DNAI1: variants seen among roughly 807,000 people sequenced by gnomAD.
The protein encoded by DNAI1 is dynein axonemal intermediate chain 1.
A neutral mutation model predicts 92.0 loss-of-function variants in DNAI1; 67 were observed. The observed-to-expected ratio is 0.73, with a 90% CI of 0.60 to 0.89. The LOEUF (loss-of-function observed/expected upper bound fraction) is 0.89. Ranked by LOEUF, DNAI1 falls within the 40% of genes least tolerant of loss-of-function variation. The pLI is 0.00. For synonymous variants in DNAI1, 323 were observed against 319.6 expected (o/e 1.01, Z -0.11); for missense variants, 839 against 866.6 (o/e 0.97, Z 0.40).
At chr9:34,494,816 C>T (rs1824683920) in intron 9 of DNAI1, among the ~76,000 whole-genome samples, 1 of 152,184 alleles carries the variant, frequency 6.6e-6, no homozygotes, top group Non-Finnish European at 1.5e-5. Context: ...GACACCCTCC[C>T]CCAGCCCCAC....
At chr9:34,462,849 C>T (rs1823974595) in intron 1 of DNAI1, among the ~76,000 whole-genome samples, 1 of 152,124 alleles carries the variant, frequency 6.6e-6, no homozygotes, top group South Asian at 2.1e-4. Flanking sequence ...ATTTATCGTA[C>T]CCACTCTGTG....
At chr9:34,465,792 T>C (rs1414545467) in intron 1 of DNAI1, among the ~76,000 whole-genome samples, 1 of 152,222 alleles carries the variant, frequency 6.6e-6, no homozygotes, top group Non-Finnish European at 1.5e-5. Context: ...CCACATGAAA[T>C]TGTTTTCTGC....
chr9:34,490,323 C>A (rs768629286), intron 6 of DNAI1, 46 bp from the exon 7 acceptor site: 1 of 1,614,106 alleles, frequency 6.2e-7, no homozygotes, highest in Admixed American at 1.7e-5. Context: ...GGTTTTCTAC[C>A]ACCTTCTCAC....
intron 1 of DNAI1, among the ~76,000 whole-genome samples, chr9:34,466,077 T>C (rs1824033406): frequency 6.6e-6 from 1 of 152,168 alleles, no homozygotes; most frequent in Admixed American, 6.5e-5. Context: ...ACCTGGCACA[T>C]AGTAGATGCT....
At chr9:34,467,815 T>A (rs1462875313) in intron 1 of DNAI1, among the ~76,000 whole-genome samples, 1 of 152,158 alleles carries the variant, frequency 6.6e-6, no homozygotes, top group Admixed American at 6.5e-5. Context: ...ATAGACAACA[T>A]AGGACAGTGA....
intron 1 of DNAI1, among the ~76,000 whole-genome samples, chr9:34,480,334 A>G (rs567799490): frequency 2.3e-5 from 3 of 131,718 alleles, no homozygotes; most frequent in South Asian, 4.6e-4. Flanking sequence ...GCTGGAGTCC[A>G]GTGTGCGATC....
rs752510175 is a variant in DNAI1, at chr9:34,489,998, A to C, written c.389-14A>C. 6.2e-7 allele frequency: 1 copy of C among 1,613,868 alleles called. No homozygotes were observed. The highest frequency in any genetic ancestry group is 8.5e-7 in the Non-Finnish European group (1 of 1,179,894). On this transcript the variant is annotated splice_polypyrimidine_tract_variant and intron_variant, in intron 5 of 19. Transcript: ENST00000242317. ...AGGCTTAGACTTTGAACTCATTGGCAGTATCCTACCAAGGTTCTCAGGAGT... is the reference window on the plus strand; with the variant it reads ...AGGCTTAGACTTTGAACTCATTGGCCGTATCCTACCAAGGTTCTCAGGAGT...
chr9:34,511,039 A>G (rs1040413159), intron 13 of DNAI1, among the ~76,000 whole-genome samples: 1 of 152,244 alleles, frequency 6.6e-6, no homozygotes, highest in Admixed American at 6.5e-5. Context: ...TGGTGACAGC[A>G]GCAGTTACAG....
chr9:34,506,713 A>G lies in DNAI1; in HGVS notation c.1150A>G (p.Ser384Gly). 1.2e-6 allele frequency: 2 copies of G among 1,614,194 alleles called. No individual in the cohort carries two copies. The highest frequency in any genetic ancestry group is 1.7e-6 in the Non-Finnish European group (2 of 1,180,044). Residue 384 changes from serine to glycine, a missense_variant, in exon 13 of 20, where the codon AGC becomes GGC. Physicochemically the swap from Ser to Gly is moderately conservative, Grantham distance 56. Transcript: ENST00000242317. ...SFPEYMFSSNSGVMCLDIHVD... is the reference protein window; with the variant it reads ...SFPEYMFSSNGGVMCLDIHVD... ...CCCTGAGTACATGTTCAGCAGCAAC[A>G]GCGGCGTCATGTGTCTCGACATCCA...
chr9:34,459,189 G>A (rs1394852245), intron 1 of DNAI1, 136 bp downstream of exon 1: 2 of 834,132 alleles, frequency 2.4e-6, no homozygotes, highest in Non-Finnish European at 4.0e-6. Flanking sequence ...CCTCTGGTAA[G>A]TGCTCCCACT....
intron 10 of DNAI1, 26 bp from the exon 11 acceptor site, chr9:34,500,696 G>A (rs757991463): frequency 6.4e-7 from 1 of 1,570,814 alleles, no homozygotes; most frequent in Non-Finnish European, 8.8e-7. Context: ...CAGTCCCAGG[G>A]CTGACTCTGC....
At chr9:34,490,219 A>C (rs1425499651) in intron 6 of DNAI1, 95 bp downstream of exon 6, 3 of 1,610,162 alleles carry the variant, frequency 1.9e-6, no homozygotes, top group Non-Finnish European at 2.5e-6. Flanking sequence ...GGGAGACCTA[A>C]GGTGAGAATA....
intron 2 of DNAI1, among the ~76,000 whole-genome samples, chr9:34,483,889 G>C (rs537504398): frequency 6.6e-6 from 1 of 152,222 alleles, no homozygotes; most frequent in South Asian, 2.1e-4. Flanking sequence ...ACCATAATTT[G>C]TTCAACCATG....
intron 19 of DNAI1, among the ~76,000 whole-genome samples, chr9:34,517,877 C>G (rs1322326128): frequency 6.6e-6 from 1 of 152,186 alleles, no homozygotes; most frequent in Non-Finnish European, 1.5e-5. Flanking sequence ...GGTCCCTGAG[C>G]TGGGAGCTGT....
At chr9:34,462,384 T>C (rs558195889) in intron 1 of DNAI1, among the ~76,000 whole-genome samples, 21 of 152,314 alleles carry the variant, frequency 1.4e-4, no homozygotes, top group African/African-American at 5.1e-4. Flanking sequence ...GGTCTAAGCT[T>C]GGCCCTCATA....
At chr9:34,507,372 A>C (rs933852047) in intron 13 of DNAI1, among the ~76,000 whole-genome samples, 1 of 152,262 alleles carries the variant, frequency 6.6e-6, no homozygotes. Context: ...TGTATATTTT[A>C]TGTACTGTAT....
intron 10 of DNAI1, among the ~76,000 whole-genome samples, chr9:34,498,445 G>A (rs1418976593): frequency 6.6e-6 from 1 of 152,174 alleles, no homozygotes; most frequent in African/African-American, 2.4e-5. Context: ...GCACTTCGCC[G>A]CTAGGCTGCA....
intron 1 of DNAI1, among the ~76,000 whole-genome samples, chr9:34,468,877 C>A (rs1453520646): frequency 2.0e-5 from 3 of 151,236 alleles, no homozygotes; most frequent in African/African-American, 7.3e-5. Flanking sequence ...GTTACTGAGG[C>A]TCCACTAAAA....
At chr9:34,509,870 G>A (rs12001508) in intron 13 of DNAI1, among the ~76,000 whole-genome samples, 4,029 of 150,762 alleles carry the variant, frequency 0.027, 130 homozygotes, top group East Asian at 0.12. Flanking sequence ...TCCGCAGTCC[G>A]GCCTGGGCGA....
Sources: allele counts gnomAD v4.1 joint callset (sites outside exome capture counted in the v4.1 genomes callset), GRCh38; gene constraint gnomAD v4.1.1; transcripts MANE v1.5; gene names NCBI Gene and HGNC (gene_info 2026-07-23, HGNC 2026-07-21).